NETO2: variants seen among roughly 807,000 people sequenced by gnomAD.
NETO2 encodes the protein neuropilin and tolloid-like protein 2.
In NETO2, 28 loss-of-function variants were observed where a neutral mutation model predicts 62.5. The observed-to-expected ratio is 0.45, with a 90% CI of 0.33 to 0.61. The LOEUF is 0.61. NETO2 is among the 20% of genes least tolerant of loss of function. The pLI is 0.02. For synonymous variants in NETO2, 214 were observed against 219.1 expected (o/e 0.98, Z 0.21); for missense variants, 548 against 643.2 (o/e 0.85, Z 1.60).
At chr16:47,139,340 G>A (rs979730932) in intron 1 of NETO2, among the ~76,000 whole-genome samples, 4 of 152,122 alleles carry the variant, frequency 2.6e-5, no homozygotes, top group Admixed American at 6.5e-5. Flanking sequence ...TCAGGGGATG[G>A]GAAAAGAACT....
intron 7 of NETO2, among the ~76,000 whole-genome samples, chr16:47,092,554 A>T (rs868627230): frequency 7.9e-5 from 12 of 152,286 alleles, no homozygotes; most frequent in South Asian, 2.1e-4. Flanking sequence ...TGGCTGGCGG[A>T]CACTGGACTG....
At chr16:47,136,943 G>C (rs981861852) in intron 1 of NETO2, among the ~76,000 whole-genome samples, 1 of 151,418 alleles carries the variant, frequency 6.6e-6, no homozygotes, top group African/African-American at 2.4e-5. Flanking sequence ...AATAATAAAT[G>C]GGGGAAAAAA....
intron 7 of NETO2, among the ~76,000 whole-genome samples, chr16:47,104,429 T>G (rs1007594015): frequency 6.6e-6 from 1 of 152,172 alleles, no homozygotes; most frequent in African/African-American, 2.4e-5. Context: ...TGGGAAGACT[T>G]CATACAGTTA....
At chr16:47,133,343 A>G (rs1285214833) in intron 1 of NETO2, among the ~76,000 whole-genome samples, 1 of 151,150 alleles carries the variant, frequency 6.6e-6, no homozygotes, top group Non-Finnish European at 1.5e-5. Flanking sequence ...TGGGAGGCTG[A>G]GGCGAGAGGA....
rs766954235 is a variant in NETO2 at position 47,118,862 on chromosome 16, CAAAT to C, written c.654+3791_654+3794del. Among the ~76,000 whole-genome samples, 37 of 151,992 alleles carry C rather than the reference CAAAT, an allele frequency of 2.4e-4. 1 individual carries two copies. The highest frequency in any genetic ancestry group is 1.2e-3 in the East Asian group (6 of 5,188). ...ACCTTTATCCTATTATCAAACCAAA[CAAAT>C]AAATAACTTAATATTAAATACCAGT... On this transcript the variant is annotated intron_variant, in intron 6 of 8. Transcript: ENST00000562435.
intron 7 of NETO2, among the ~76,000 whole-genome samples, chr16:47,094,384 G>C (rs986850516): frequency 6.6e-6 from 1 of 151,370 alleles, no homozygotes; most frequent in Non-Finnish European, 1.5e-5. Context: ...GATTTTTCAG[G>C]AACCTAAAGG....
At chr16:47,114,356 A>T (rs1180524341) in intron 6 of NETO2, among the ~76,000 whole-genome samples, 1 of 134,220 alleles carries the variant, frequency 7.5e-6, no homozygotes. Context: ...TTTTTCTCCC[A>T]GTCAGTGGCT....
At position 47,078,039 on chromosome 16, in the gene NETO2, A is replaced by C. The variant is rs540580463; in HGVS notation, c.*5182T>G. On this transcript the variant is annotated 3_prime_UTR_variant, in exon 9 of 9. Transcript: ENST00000562435. ...TCCTCACTGCCTCTTCAGTGACCGG[A>C]TGCAGCAGACTGCAACCTGCAGGCA... is the stretch of plus-strand genomic sequence containing the variant. The C allele has an allele frequency of 3.9e-5, 6 of 152,352 alleles. No homozygotes were observed. In the East Asian group the frequency reaches 1.2e-3, roughly 29 times the overall value. The allele number at this position is 152,352 out of a possible 1,614,324, so 9.4% of individuals were successfully genotyped here.
chr16:47,119,523 T>C (rs888150907), intron 6 of NETO2, among the ~76,000 whole-genome samples: 1 of 152,122 alleles, frequency 6.6e-6, no homozygotes, highest in Non-Finnish European at 1.5e-5. Context: ...AAAGAGCCGA[T>C]GTCAGGCCTC....
At position 47,086,238 on chromosome 16, in the gene NETO2, T is replaced by C. The variant is rs756769234; in HGVS notation, c.985A>G (p.Asn329Asp). ...VQNCAYPWDE[N>D]HCKEKKKAGV... ...ACATCAAACTCACCTTTACAATGAT[T>C]TTCATCCCAAGGGTATGCACAATTT... The change falls in exon 8 of 9, where the codon AAT becomes GAT. Residue 329 changes from asparagine (N) to aspartate (D), a missense_variant. Transcript: ENST00000562435. The C allele has an allele frequency of 6.9e-6, 11 of 1,603,374 alleles. No homozygotes were observed. Among genetic ancestry groups the C allele is most frequent in the Admixed American group, 1.7e-5 (1 of 59,990 alleles).
intron 7 of NETO2, among the ~76,000 whole-genome samples, chr16:47,106,411 G>A (rs867783860): frequency 1.1e-4 from 16 of 152,030 alleles, no homozygotes; most frequent in African/African-American, 3.9e-4. Flanking sequence ...TGTACTTAAT[G>A]CCACTGATTT....
intron 7 of NETO2, among the ~76,000 whole-genome samples, chr16:47,109,268 G>A (rs1359358916): frequency 6.6e-6 from 1 of 151,656 alleles, no homozygotes; most frequent in Non-Finnish European, 1.5e-5. Flanking sequence ...GGAGTTTAAG[G>A]CCAGCCTGTG....
At chr16:47,088,337 C>T (rs1395176170) in intron 7 of NETO2, among the ~76,000 whole-genome samples, 1 of 152,148 alleles carries the variant, frequency 6.6e-6, no homozygotes, top group East Asian at 1.9e-4. Flanking sequence ...AACTCCTGAC[C>T]TTAAGTGATC....
intron 1 of NETO2, among the ~76,000 whole-genome samples, chr16:47,136,177 T>C (rs557282322): frequency 6.6e-5 from 10 of 152,248 alleles, no homozygotes; most frequent in East Asian, 1.9e-4. Flanking sequence ...ATAAAAACAA[T>C]ATATGATATA....
chr16:47,124,158 CTTTT>C (rs1042396896), intron 4 of NETO2, among the ~76,000 whole-genome samples: 1 of 149,246 alleles, frequency 6.7e-6, no homozygotes, highest in Admixed American at 6.7e-5. Context: ...ATCTCAGCAA[CTTTT>C]TTTTTTAACT....
At chr16:47,112,729 T>A (rs1312522160) in intron 6 of NETO2, among the ~76,000 whole-genome samples, 1 of 152,212 alleles carries the variant, frequency 6.6e-6, no homozygotes, top group Non-Finnish European at 1.5e-5. Context: ...ATAATTTTTT[T>A]AAGTTTAACT....
rs778244987 is a variant in NETO2, at chr16:47,093,028, C to T, written c.884-6689G>A. On this transcript the variant is annotated intron_variant, in intron 7 of 8. Transcript: ENST00000562435. ...TTAGGTTCAGACCTCCATGGCTTCC[C>T]GCTGTGACTATGGAAGTAAACTCTT... Among the ~76,000 whole-genome samples the T allele has an allele frequency of 9.2e-5, 14 of 152,320 alleles. No homozygotes were observed. In the East Asian group the frequency reaches 9.6e-4, roughly 10 times the overall value.
At chr16:47,114,047 A>C (rs887269810) in intron 6 of NETO2, among the ~76,000 whole-genome samples, 1 of 152,096 alleles carries the variant, frequency 6.6e-6, no homozygotes, top group Non-Finnish European at 1.5e-5. Context: ...TGAGTCACAC[A>C]GTTACTTTAT....
intron 8 of NETO2, among the ~76,000 whole-genome samples, chr16:47,085,027 T>TG (rs1217552462): frequency 1.3e-5 from 2 of 152,140 alleles, no homozygotes; most frequent in Admixed American, 6.5e-5. Context: ...CCAAAAAGGT[T>TG]GGGGACTGCT....
Sources: allele counts gnomAD v4.1 joint callset (sites outside exome capture counted in the v4.1 genomes callset), GRCh38; gene constraint gnomAD v4.1.1; transcripts MANE v1.5; gene names NCBI Gene and HGNC (gene_info 2026-07-23, HGNC 2026-07-21).